ZCCHC24: variants seen among roughly 807,000 people sequenced by gnomAD.
The protein encoded by ZCCHC24 is zinc finger CCHC domain-containing protein 24.
Under a neutral mutation model 26.2 loss-of-function variants are expected in ZCCHC24, and 10 were observed. The observed-to-expected ratio is 0.38, with a 90% CI of 0.24 to 0.65. The LOEUF is 0.65. Among genes scored for constraint, ZCCHC24 ranks in the 30% least tolerant of loss-of-function variants. ZCCHC24 has a pLI of 0.54. For missense variants in ZCCHC24, 243 were observed against 329.1 expected (o/e 0.74, Z 2.03); for synonymous variants, 144 against 147.1 (o/e 0.98, Z 0.15).
chr10:79,436,232 C>T (rs749958129), intron 1 of ZCCHC24, among the ~76,000 whole-genome samples: 16 of 152,214 alleles, frequency 1.1e-4, no homozygotes, highest in Non-Finnish European at 5.9e-5. Flanking sequence ...CCCTCCAGCC[C>T]ACACTTGCTG....
At chr10:79,429,457 T>C (rs1292118747) in intron 2 of ZCCHC24, among the ~76,000 whole-genome samples, 1 of 152,166 alleles carries the variant, frequency 6.6e-6, no homozygotes, top group Non-Finnish European at 1.5e-5. Context: ...TGGCAGCACC[T>C]GGATTCCCAG....
chr10:79,394,601 C>T, intron 2 of ZCCHC24, 161 bp from the exon 3 acceptor site: 4 of 985,452 alleles, frequency 4.1e-6, no homozygotes, highest in Non-Finnish European at 4.8e-6. Context: ...CCCCAGAGCA[C>T]AGACGGGAAT....
intron 2 of ZCCHC24, among the ~76,000 whole-genome samples, chr10:79,407,341 A>G (rs1856731330): frequency 6.6e-6 from 1 of 152,238 alleles, no homozygotes. Flanking sequence ...CACATTCCCC[A>G]GCAGGAAGTG....
chr10:79,430,731 C>CCT (rs1857116174), intron 2 of ZCCHC24, among the ~76,000 whole-genome samples: 1 of 150,522 alleles, frequency 6.6e-6, no homozygotes. Context: ...TATCCCCGGG[C>CCT]CTCTGGCTCA....
At chr10:79,443,965 A>G (rs1857322605) in intron 1 of ZCCHC24, 1 of 1,197,546 alleles carries the variant, frequency 8.4e-7, no homozygotes, top group South Asian at 1.8e-5. Flanking sequence ...TTATATGTCC[A>G]TGCCTCCCCT....
intron 2 of ZCCHC24, among the ~76,000 whole-genome samples, chr10:79,399,514 T>C (rs978241314): frequency 1.3e-5 from 2 of 152,216 alleles, no homozygotes. Context: ...CAAAGCTCAC[T>C]GGAGCTCAGA....
chr10:79,404,858 GAAAA>G (rs770841459), intron 2 of ZCCHC24, among the ~76,000 whole-genome samples: 1 of 152,162 alleles, frequency 6.6e-6, no homozygotes, highest in Non-Finnish European at 1.5e-5. Flanking sequence ...CTCAAATAAA[GAAAA>G]GTCACTCCCT....
At chr10:79,415,547 G>A (rs1856848258) in intron 2 of ZCCHC24, among the ~76,000 whole-genome samples, 1 of 152,202 alleles carries the variant, frequency 6.6e-6, no homozygotes, top group Non-Finnish European at 1.5e-5. Context: ...CTGGGTGAAG[G>A]TGGAGAATAT....
Position 79,445,542 on chromosome 10 carries a change from C to T in ZCCHC24, c.-102G>A, listed in dbSNP as rs1430305601. 9.4e-7 allele frequency: 1 copy of T among 1,059,892 alleles called. No individual in the cohort carries two copies. Among genetic ancestry groups the T allele is most frequent in the African/African-American group, 1.7e-5 (1 of 59,852 alleles). 65.7% of individuals were successfully genotyped at this position (1,059,892 alleles called of 1,614,324 possible). ...GAGCCTGTGCCCACTGCCCGCCTCC[C>T]GAGCCCCGACGGTGATCGCCCCGCG... On this transcript the variant is annotated 5_prime_UTR_variant, in exon 1 of 4. Coordinates refer to ENST00000372336, the MANE Select transcript of ZCCHC24 (RefSeq NM_153367.4).
At chr10:79,435,375 C>A (rs1023018397) in intron 1 of ZCCHC24, among the ~76,000 whole-genome samples, 2 of 152,222 alleles carry the variant, frequency 1.3e-5, no homozygotes, top group Non-Finnish European at 2.9e-5. Context: ...CGGCCACAGT[C>A]CCCTGCCCAC....
At chr10:79,435,780 GGT>G (rs1159479643) in intron 1 of ZCCHC24, among the ~76,000 whole-genome samples, 1 of 152,224 alleles carries the variant, frequency 6.6e-6, no homozygotes, top group Non-Finnish European at 1.5e-5. Flanking sequence ...CAGTGTGAAG[GGT>G]GGGTGAGGCA....
intron 1 of ZCCHC24, chr10:79,443,954 T>C: frequency 8.8e-7 from 1 of 1,135,966 alleles, no homozygotes; most frequent in Non-Finnish European, 1.2e-6. Context: ...GGGCCAGCAT[T>C]TTATATGTCC....
At chr10:79,425,761 A>G (rs1314772893) in intron 2 of ZCCHC24, among the ~76,000 whole-genome samples, 1 of 152,216 alleles carries the variant, frequency 6.6e-6, no homozygotes, top group Non-Finnish European at 1.5e-5. Flanking sequence ...TGGTAAACTC[A>G]GTGCTTAGAA....
intron 2 of ZCCHC24, among the ~76,000 whole-genome samples, chr10:79,404,453 T>G (rs1240831521): frequency 6.6e-6 from 1 of 152,008 alleles, no homozygotes; most frequent in African/African-American, 2.4e-5. Flanking sequence ...GTGGAAAGCT[T>G]CCGAATCACA....
chr10:79,432,568 T>C lies in ZCCHC24; in HGVS notation c.437A>G (p.Asp146Gly). The change falls in exon 2 of 4, where the codon GAC becomes GGC. Residue 146 changes from aspartate (D) to glycine (G), a missense_variant. This residue lies in a region of ZCCHC24 where 96 missense variants were observed against 178.3 expected (regional missense o/e 0.54). Transcript: ENST00000372336. ...CCAGGGCTGCCTTACCTGGGGGCAG[T>C]CCTTGATGTAGTGTCCTTTGTTGAA... ...LCFNKGHYIK[D>G]CPQARPKGEG... The C allele has an allele frequency of 6.3e-7, 1 of 1,596,382 alleles. No homozygotes were observed. The highest frequency in any genetic ancestry group is 8.5e-7 in the Non-Finnish European group (1 of 1,171,322).
chr10:79,386,147 C>T lies in ZCCHC24; in HGVS notation c.*198G>A. On this transcript the variant is annotated 3_prime_UTR_variant, in exon 4 of 4. Transcript: ENST00000372336. ...GCCCCAGACTCCCTGCTTTCCCTGG[C>T]CTGTGGGGGGCAGCAATGTCAGTAA... 1 of 610,542 alleles carries T rather than the reference C, an allele frequency of 1.6e-6. No homozygotes were observed. The highest frequency in any genetic ancestry group is 3.0e-6 in the Non-Finnish European group (1 of 331,006). 37.8% of individuals were successfully genotyped at this position (610,542 alleles called of 1,614,324 possible).
chr10:79,406,122 C>T (rs949950476), intron 2 of ZCCHC24, among the ~76,000 whole-genome samples: 1 of 152,200 alleles, frequency 6.6e-6, no homozygotes, highest in African/African-American at 2.4e-5. Flanking sequence ...TGGGGCTGGC[C>T]ACGCACACAA....
intron 2 of ZCCHC24, among the ~76,000 whole-genome samples, chr10:79,400,718 C>T (rs1856617721): frequency 6.6e-6 from 1 of 152,190 alleles, no homozygotes; most frequent in Non-Finnish European, 1.5e-5. Flanking sequence ...GCTGTGGCCA[C>T]ACTCCTGCCC....
At chr10:79,404,221 C>CGAT (rs1284863901) in intron 2 of ZCCHC24, among the ~76,000 whole-genome samples, 1 of 152,214 alleles carries the variant, frequency 6.6e-6, no homozygotes, top group Non-Finnish European at 1.5e-5. Flanking sequence ...GGCCCTGAGG[C>CGAT]GCTGCTGCCC....
Sources: gnomAD v4.1 joint callset for allele counts (sites outside exome capture counted in the v4.1 genomes callset) on GRCh38, gnomAD v4.1.1 for gene constraint, gnomAD v4.1.1 regional missense constraint, MANE v1.5 for transcripts, NCBI Gene and HGNC (gene_info 2026-07-23, HGNC 2026-07-21) for gene names.